TNS1: variants seen among roughly 807,000 people sequenced by gnomAD.
The protein encoded by TNS1 is tensin 1, also known as tensin-1.
In TNS1, 62 loss-of-function variants were observed where a neutral mutation model predicts 168.6. The observed-to-expected ratio is 0.37, with a 90% CI of 0.30 to 0.45. The LOEUF (loss-of-function observed/expected upper bound fraction) is 0.45, where lower values mean the gene tolerates loss of function less well. Ranked by LOEUF, TNS1 falls within the 20% of genes least tolerant of loss-of-function variation. TNS1 has a pLI of 1.00. For synonymous variants in TNS1, 934 were observed against 933.2 expected (o/e 1.00, Z -0.02); for missense variants, 2,240 against 2,339.4 (o/e 0.96, Z 0.88).
chr2:217,818,221 G>A lies in TNS1; in HGVS notation c.4111C>T (p.Pro1371Ser), dbSNP rs772815271. The A allele has an allele frequency of 6.2e-6, 10 of 1,613,884 alleles. No individual in the cohort carries two copies. The highest frequency in any genetic ancestry group is 8.5e-6 in the Non-Finnish European group (10 of 1,179,912). ...SGLHNKVATT[P>S]GSPSLGRHPG... is the part of the protein sequence containing the mutation. Reference sequence around the variant, plus strand: ...TGCCGGCCCAGGCTGGGACTCCCCGGGGTGGTGGCCACTTTGTTGTGGAGG... The same window carrying A: ...TGCCGGCCCAGGCTGGGACTCCCCGAGGTGGTGGCCACTTTGTTGTGGAGG... The change falls in exon 24 of 33, where the codon CCG becomes TCG. Residue 1371 changes from proline to serine, a missense_variant. By Grantham distance (74) the Pro-to-Ser change is moderately conservative. Around this residue, in one of 2 missense-constraint regions of TNS1, gnomAD observed 2,131 missense variants for 2,171.2 expected, o/e 0.98. Transcript: ENST00000682258.
intron 2 of TNS1, among the ~76,000 whole-genome samples, chr2:217,983,527 G>A (rs972176229): frequency 2.6e-5 from 4 of 152,170 alleles, no homozygotes; most frequent in Non-Finnish European, 4.4e-5. Context: ...TGCACCCCCA[G>A]CCCTTGGCCC....
chr2:217,942,771 C>CGCCT (rs886718686), intron 3 of TNS1, among the ~76,000 whole-genome samples: 2 of 151,960 alleles, frequency 1.3e-5, no homozygotes, highest in Non-Finnish European at 2.9e-5. Context: ...CCCCCACAAC[C>CGCCT]GCCTGCCTGC....
intron 3 of TNS1, among the ~76,000 whole-genome samples, chr2:217,945,496 TAGA>T (rs1418320543): frequency 6.6e-6 from 1 of 152,110 alleles, no homozygotes; most frequent in Non-Finnish European, 1.5e-5. Flanking sequence ...AGGGCAGAGA[TAGA>T]AGCATCGCTC....
intron 16 of TNS1, among the ~76,000 whole-genome samples, chr2:217,884,809 G>T (rs1294828342): frequency 6.6e-6 from 1 of 152,168 alleles, no homozygotes; most frequent in Non-Finnish European, 1.5e-5. Context: ...AACAGCCCAA[G>T]GACTGGGAGG....
intron 3 of TNS1, among the ~76,000 whole-genome samples, chr2:217,951,197 G>A (rs1052889063): frequency 1.2e-4 from 18 of 152,158 alleles, no homozygotes; most frequent in African/African-American, 3.9e-4. Context: ...GTGTAACCTC[G>A]AGCAAGTTAT....
chr2:218,021,784 A>G (rs1958808380), intron 1 of TNS1, among the ~76,000 whole-genome samples: 1 of 152,228 alleles, frequency 6.6e-6, no homozygotes, highest in Non-Finnish European at 1.5e-5. Flanking sequence ...CTGGAAGGCT[A>G]GACCCTGTCT....
chr2:217,879,888 G>A (rs1439470046), intron 18 of TNS1, among the ~76,000 whole-genome samples: 1 of 152,194 alleles, frequency 6.6e-6, no homozygotes, highest in Non-Finnish European at 1.5e-5. Flanking sequence ...CCCAGGACTG[G>A]CTTCAGCTGG....
In TNS1 at chr2:217,850,578, G is replaced by A. The variant is rs1038682435; in HGVS notation, c.1430-1491C>T. On this transcript the variant is annotated intron_variant, in intron 18 of 32. Transcript: ENST00000682258. ...AGTCAGCAGCCCAGCCACCAGCCCC[G>A]ACAGACACACACACACACACACACA... 1.1e-4 allele frequency: 108 copies of A among 947,802 alleles called. No individual in the cohort carries two copies. The African/African-American group carries it at 2.0e-3, about 17-fold the overall frequency. The allele number at this position is 947,802 out of a possible 1,614,324, so 58.7% of individuals were successfully genotyped here.
At chr2:217,873,283 T>C (rs903926739) in intron 18 of TNS1, among the ~76,000 whole-genome samples, 13 of 152,302 alleles carry the variant, frequency 8.5e-5, no homozygotes, top group African/African-American at 3.1e-4. Context: ...TGCACACACA[T>C]ACATATCAAA....
chr2:217,830,326 G>T, intron 22 of TNS1: 1 of 1,613,490 alleles, frequency 6.2e-7, no homozygotes, highest in Non-Finnish European at 8.5e-7. Context: ...GCCCAGCTGC[G>T]TGGCTTCATG....
intron 3 of TNS1, among the ~76,000 whole-genome samples, chr2:217,972,438 AGG>A (rs1324496997): frequency 2.0e-5 from 3 of 152,268 alleles, no homozygotes; most frequent in African/African-American, 7.2e-5. Context: ...CTAGCAGGAA[AGG>A]TAATCTGCAA....
intron 19 of TNS1, among the ~76,000 whole-genome samples, chr2:217,842,438 T>C (rs1946103210): frequency 6.6e-6 from 1 of 152,202 alleles, no homozygotes; most frequent in African/African-American, 2.4e-5. Context: ...GACCTAAGCG[T>C]TGTCTCTGAC....
upstream of TNS1, among the ~76,000 whole-genome samples, chr2:218,007,563 G>GGT (rs1485640125): frequency 1.1e-3 from 117 of 108,280 alleles, no homozygotes; most frequent in African/African-American, 3.3e-3. Flanking sequence ...GAGGCTCGGG[G>GGT]GGTGGGGGGG....
chr2:218,023,185 T>C (rs1440515498), intron 1 of TNS1, among the ~76,000 whole-genome samples: 2 of 152,172 alleles, frequency 1.3e-5, no homozygotes, highest in African/African-American at 4.8e-5. Context: ...GGGTCTAGGC[T>C]GAGGGGCCTG....
intron 18 of TNS1, among the ~76,000 whole-genome samples, chr2:217,865,728 CT>C (rs1242483048): frequency 1.3e-5 from 2 of 152,214 alleles, no homozygotes; most frequent in Non-Finnish European, 2.9e-5. Context: ...GATTGAACAA[CT>C]GAGGTCCAGT....
At chr2:217,810,879 A>T (rs1393834468) in intron 28 of TNS1, among the ~76,000 whole-genome samples, 9 of 144,674 alleles carry the variant, frequency 6.2e-5, no homozygotes, top group African/African-American at 2.3e-4. Flanking sequence ...ATGGTACATA[A>T]TTTTTTTTTT....
chr2:217,934,491 A>G (rs1956497593), intron 3 of TNS1, among the ~76,000 whole-genome samples: 1 of 152,146 alleles, frequency 6.6e-6, no homozygotes, highest in South Asian at 2.1e-4. Context: ...ACTGTTACTC[A>G]CTTTGCCTCT....
Position 217,847,894 on chromosome 2 carries a change from A to C in TNS1, c.2623T>G (p.Ser875Ala). ...GASPLSSQPL[S>A]GSSRQSHPLT... ...GGATGGGACTGACGGGAGGATCCAG[A>C]GAGGGGCTGGGAGGAGAGTGGAGAA... The change falls in exon 19 of 33, where the codon TCT (serine) becomes GCT (alanine). Residue 875 changes from serine to alanine, a missense_variant. Ser to Ala is a moderately conservative substitution (Grantham distance 99, BLOSUM62 1). Around this residue, in one of 2 missense-constraint regions of TNS1, gnomAD observed 2,131 missense variants for 2,171.2 expected, o/e 0.98. Coordinates refer to ENST00000682258, the MANE Select transcript of TNS1 (RefSeq NM_001387777.1). 6.4e-7 allele frequency: 1 copy of C among 1,550,816 alleles called. No homozygotes were observed. The highest frequency in any genetic ancestry group is 1.7e-4 in the Middle Eastern group (1 of 5,776).
At position 217,810,262 on chromosome 2, in the gene TNS1, A is replaced by C. The variant is rs775048638; in HGVS notation, c.5090T>G (p.Leu1697Arg). Residue 1697 changes from leucine to arginine, a missense_variant, in exon 29 of 33, where the codon CTG becomes CGG. Leu to Arg is a moderately radical substitution (Grantham distance 102). Transcript: ENST00000682258. ...SGPANSTADL[L>R]KQGAACNVLF... The stretch of plus-strand genomic sequence containing the variant: ...TGACCACTCACCTGCCCCTTGTTTC[A>C]GCAGGTCTGCAGTTGAGTTGGCAGG... The C allele has an allele frequency of 6.2e-6, 10 of 1,614,092 alleles. No homozygotes were observed. The highest frequency in any genetic ancestry group is 7.6e-6 in the Non-Finnish European group (9 of 1,180,018).
Sources: gnomAD v4.1 joint callset for allele counts (sites outside exome capture counted in the v4.1 genomes callset) on GRCh38, gnomAD v4.1.1 for gene constraint, gnomAD v4.1.1 regional missense constraint, MANE v1.5 for transcripts, NCBI Gene and HGNC (gene_info 2026-07-23, HGNC 2026-07-21) for gene names.